Variants in RBFOX1 observed in about 807,000 individuals in gnomAD.
RBFOX1 encodes the protein RNA binding protein fox-1 homolog 1.
A neutral mutation model predicts 57.7 loss-of-function variants in RBFOX1; 8 were observed. The observed-to-expected ratio is 0.14, with a 90% CI of 0.08 to 0.25. The LOEUF (loss-of-function observed/expected upper bound fraction) is 0.25. Among genes scored for constraint, RBFOX1 ranks in the 10% least tolerant of loss-of-function variants. The pLI, the probability that RBFOX1 is intolerant of heterozygous loss-of-function variation, is 1.00. For synonymous variants in RBFOX1, 326 were observed against 222.4 expected (o/e 1.47, Z -4.15); for missense variants, 611 against 548.5 (o/e 1.11, Z -1.14).
At chr16:5,656,364 T>C (rs532920228) in intron 3 of RBFOX1, among the ~76,000 whole-genome samples, 1 of 152,320 alleles carries the variant, frequency 6.6e-6, no homozygotes, top group Admixed American at 6.5e-5. Flanking sequence ...TTATCTTTAT[T>C]AGTATGTCTT....
At chr16:7,684,186 T>C (rs761707316) in intron 14 of RBFOX1, among the ~76,000 whole-genome samples, 2 of 152,148 alleles carry the variant, frequency 1.3e-5, no homozygotes, top group Admixed American at 1.3e-4. Context: ...GTGTAGTACA[T>C]GCATGTAAGC....
intron 3 of RBFOX1, among the ~76,000 whole-genome samples, chr16:5,661,323 C>G (rs2049641079): frequency 6.6e-6 from 1 of 152,160 alleles, no homozygotes; most frequent in Non-Finnish European, 1.5e-5. Flanking sequence ...TCTGCTTTAC[C>G]TACATTTGTG....
intron 2 of RBFOX1, among the ~76,000 whole-genome samples, chr16:5,511,080 A>G (rs551187397): frequency 6.6e-6 from 1 of 152,226 alleles, no homozygotes. Context: ...CCGTGAAAAA[A>G]AACAGTGTGG....
At chr16:7,100,902 A>G (rs1021797304) in intron 4 of RBFOX1, among the ~76,000 whole-genome samples, 8 of 152,218 alleles carry the variant, frequency 5.3e-5, no homozygotes, top group African/African-American at 1.9e-4. Flanking sequence ...ACATTTTTAG[A>G]GGTTGCTTTG....
intron 1 of RBFOX1, among the ~76,000 whole-genome samples, chr16:6,252,934 T>G (rs1267430622): frequency 1.3e-5 from 2 of 152,122 alleles, no homozygotes; most frequent in Non-Finnish European, 2.9e-5. Context: ...GTGCTTACCA[T>G]GTGACAGGTA....
rs187075469 is a variant in RBFOX1 at position 6,785,089 on chromosome 16, T to C, written c.-16+130439T>C. Among the ~76,000 whole-genome samples, 12 of 152,292 alleles carry C rather than the reference T, an allele frequency of 7.9e-5. 1 individual carries two copies. The highest frequency in any genetic ancestry group is 2.9e-4 in the African/African-American group (12 of 41,570). On this transcript the variant is annotated intron_variant, in intron 3 of 15. Transcript: ENST00000550418. Reference sequence around the variant, plus strand: ...TCTTAGGAAATACTGGATGTGACTTTAGAAAGTGGTCATGGTTCCTTCCAA... The same window carrying C: ...TCTTAGGAAATACTGGATGTGACTTCAGAAAGTGGTCATGGTTCCTTCCAA...
chr16:6,199,116 A>C (rs2097199201), intron 1 of RBFOX1, among the ~76,000 whole-genome samples: 1 of 152,178 alleles, frequency 6.6e-6, no homozygotes, highest in Non-Finnish European at 1.5e-5. Context: ...CTTATTGAAA[A>C]AAATATTTAA....
At chr16:5,985,221 T>C (rs2060263151) in intron 4 of RBFOX1, among the ~76,000 whole-genome samples, 1 of 151,630 alleles carries the variant, frequency 6.6e-6, no homozygotes, top group African/African-American at 2.4e-5. Flanking sequence ...CTCGATCTCC[T>C]GACCTCCTGA....
At chr16:7,048,508 C>G (rs1470154337) in intron 3 of RBFOX1, among the ~76,000 whole-genome samples, 1 of 152,164 alleles carries the variant, frequency 6.6e-6, no homozygotes, top group Non-Finnish European at 1.5e-5. Context: ...ATCCACCCGC[C>G]TCAGCCTTCC....
intron 3 of RBFOX1, among the ~76,000 whole-genome samples, chr16:6,827,797 A>C (rs1021644474): frequency 6.6e-6 from 1 of 152,144 alleles, no homozygotes; most frequent in Non-Finnish European, 1.5e-5. Context: ...CCTTTATCCC[A>C]GGTCAGCTTC....
At chr16:7,005,730 T>C (rs2093240539) in intron 3 of RBFOX1, among the ~76,000 whole-genome samples, 1 of 152,200 alleles carries the variant, frequency 6.6e-6, no homozygotes, top group African/African-American at 2.4e-5. Context: ...ACAAGACCGC[T>C]AGGTGATCAT....
chr16:6,728,792 A>T (rs938978930), intron 3 of RBFOX1, among the ~76,000 whole-genome samples: 1 of 152,174 alleles, frequency 6.6e-6, no homozygotes, highest in Non-Finnish European at 1.5e-5. Context: ...ATTGTAGGTC[A>T]TTATGTGAAA....
chr16:6,210,682 C>T (rs1296064475), intron 1 of RBFOX1, among the ~76,000 whole-genome samples: 2 of 151,854 alleles, frequency 1.3e-5, no homozygotes, highest in African/African-American at 4.8e-5. Flanking sequence ...GTGATTGTGC[C>T]ACTGCACTCC....
chr16:5,708,294 C>T (rs370720013), intron 3 of RBFOX1, among the ~76,000 whole-genome samples: 2 of 152,198 alleles, frequency 1.3e-5, no homozygotes, highest in East Asian at 1.9e-4. Context: ...AAGTATGAGG[C>T]ACTGTCCTAG....
chr16:6,182,294 T>A (rs2097069565), intron 1 of RBFOX1, among the ~76,000 whole-genome samples: 1 of 152,232 alleles, frequency 6.6e-6, no homozygotes, highest in Admixed American at 6.5e-5. Flanking sequence ...TCCCCCAATT[T>A]TACTCTGTTC....
intron 3 of RBFOX1, among the ~76,000 whole-genome samples, chr16:7,040,223 G>A (rs1407545801): frequency 1.3e-5 from 2 of 151,818 alleles, no homozygotes; most frequent in African/African-American, 4.8e-5. Flanking sequence ...GTTTCACCAT[G>A]TTGGCCAGGA....
At chr16:5,364,326 T>G (rs747192038) in intron 1 of RBFOX1, among the ~76,000 whole-genome samples, 16 of 152,184 alleles carry the variant, frequency 1.1e-4, no homozygotes, top group Non-Finnish European at 2.1e-4. Flanking sequence ...CTAGGCTTTC[T>G]TCCTTCTCTC....
intron 1 of RBFOX1, among the ~76,000 whole-genome samples, chr16:5,336,105 A>T (rs1303464344): frequency 6.6e-6 from 1 of 152,126 alleles, no homozygotes; most frequent in African/African-American, 2.4e-5. Context: ...CTGAACTCCA[A>T]ATCATTGTGC....
intron 2 of RBFOX1, among the ~76,000 whole-genome samples, chr16:6,558,407 G>C (rs1413536669): frequency 6.6e-6 from 1 of 152,138 alleles, no homozygotes; most frequent in Non-Finnish European, 1.5e-5. Context: ...AGTTTATCCT[G>C]AACTGTGCAT....
Sources: gnomAD v4.1 joint callset for allele counts (sites outside exome capture counted in the v4.1 genomes callset) on GRCh38, gnomAD v4.1.1 for gene constraint, MANE v1.5 for transcripts, NCBI Gene and HGNC (gene_info 2026-07-23, HGNC 2026-07-21) for gene names.